Variants in SEC11A observed in about 807,000 individuals in gnomAD.
SEC11A encodes SEC11 homolog A, signal peptidase complex subunit.
SEC11A carries 14 observed loss-of-function variants against 25.6 expected under a neutral mutation model. The observed-to-expected ratio is 0.55, with a 90% confidence interval of 0.36 to 0.85. The LOEUF (loss-of-function observed/expected upper bound fraction) is 0.85, where lower values mean the gene tolerates loss of function less well. SEC11A is among the 40% of genes least tolerant of loss of function. The pLI, the probability that SEC11A is intolerant of heterozygous loss-of-function variation, is 0.01. For missense variants in SEC11A, 153 were observed against 222.9 expected (o/e 0.69, Z 2.00); for synonymous variants, 83 against 76.4 (o/e 1.09, Z -0.45).
At position 84,716,114 on chromosome 15, in the gene SEC11A, CG is replaced by C; in HGVS notation, c.-40del. The C allele has an allele frequency of 6.2e-7, 1 of 1,602,522 alleles. No homozygotes were observed. Reference sequence around the variant, plus strand: ...AGCAGGACACCGGCAGGGGAAAGGGCGCGATGACCAGCGGGCGGAACTACTG... The same window carrying C: ...AGCAGGACACCGGCAGGGGAAAGGGCCGATGACCAGCGGGCGGAACTACTG... On this transcript the variant is annotated 5_prime_UTR_variant, in exon 1 of 6. Coordinates refer to ENST00000268220, the MANE Select transcript of SEC11A (RefSeq NM_014300.4).
In SEC11A at chr15:84,691,482, T is replaced by C. The variant is rs1596076098; in HGVS notation, c.161+53A>G. The C allele has an allele frequency of 1.2e-4, 121 of 977,566 alleles. 1 individual carries two copies. The South Asian group carries it at 1.6e-3, about 13-fold the overall frequency. 60.6% of individuals were successfully genotyped at this position (977,566 alleles called of 1,614,324 possible). Reference sequence around the variant, plus strand: ...ATGCCAGTTATTTCATATCTCAATTTTTCTCCCAAGTAATGCCATGCAATT... The same window carrying C: ...ATGCCAGTTATTTCATATCTCAATTCTTCTCCCAAGTAATGCCATGCAATT... On this transcript the variant is annotated intron_variant, in intron 2 of 5. Coordinates refer to ENST00000268220, the MANE Select transcript of SEC11A (RefSeq NM_014300.4).
chr15:84,703,417 A>G (rs996192738), intron 1 of SEC11A, among the ~76,000 whole-genome samples: 1 of 152,184 alleles, frequency 6.6e-6, no homozygotes, highest in Non-Finnish European at 1.5e-5. Flanking sequence ...GCTCCTAACG[A>G]TGCTACCCTG....
At chr15:84,712,500 T>A (rs1172720808) in intron 1 of SEC11A, among the ~76,000 whole-genome samples, 1 of 149,682 alleles carries the variant, frequency 6.7e-6, no homozygotes, top group African/African-American at 2.5e-5. Flanking sequence ...CAGGCTGGAG[T>A]GCAGTGGTGC....
intron 5 of SEC11A, 124 bp from the exon 6 acceptor site, chr15:84,670,193 T>G (rs762669349): frequency 2.4e-6 from 2 of 822,626 alleles, no homozygotes; most frequent in Non-Finnish European, 3.7e-6. Context: ...CTTTCATCTT[T>G]TAACTATAAT....
At chr15:84,689,610 T>C (rs1897540271) in intron 2 of SEC11A, among the ~76,000 whole-genome samples, 1 of 6,530 alleles carries the variant, frequency 1.5e-4, no homozygotes, top group African/African-American at 1.7e-3. Flanking sequence ...CTTTTCTTTC[T>C]TTTTTTTTTT....
intron 4 of SEC11A, among the ~76,000 whole-genome samples, chr15:84,677,475 C>CTT (rs1171786400): frequency 2.2e-4 from 29 of 131,414 alleles, no homozygotes; most frequent in African/African-American, 7.2e-4. Context: ...TTTTCTTTTT[C>CTT]TTTTTTTTTT....
At chr15:84,694,753 A>T (rs1897710067) in intron 1 of SEC11A, among the ~76,000 whole-genome samples, 1 of 151,644 alleles carries the variant, frequency 6.6e-6, no homozygotes, top group African/African-American at 2.4e-5. Flanking sequence ...ACTTGAGCCT[A>T]GGAGTTCGAG....
intron 1 of SEC11A, among the ~76,000 whole-genome samples, chr15:84,702,516 G>T (rs1231841304): frequency 2.6e-5 from 4 of 151,910 alleles, no homozygotes; most frequent in Admixed American, 2.6e-4. Context: ...TGTTGCCCAG[G>T]CTGGTTTCAA....
chr15:84,702,724 T>C (rs183758338), intron 1 of SEC11A, among the ~76,000 whole-genome samples: 19 of 152,282 alleles, frequency 1.2e-4, no homozygotes, highest in African/African-American at 4.6e-4. Context: ...ACAACCTGAA[T>C]AGACCTACAT....
At chr15:84,670,144 T>C in intron 5 of SEC11A, 75 bp from the exon 6 acceptor site, 1 of 1,442,926 alleles carries the variant, frequency 6.9e-7, no homozygotes, top group Non-Finnish European at 9.4e-7. Flanking sequence ...AATTAACAAA[T>C]TGGTCTTTGT....
chr15:84,685,007 A>G (rs1897377898), intron 3 of SEC11A, among the ~76,000 whole-genome samples: 1 of 152,350 alleles, frequency 6.6e-6, no homozygotes, highest in Middle Eastern at 3.4e-3. Flanking sequence ...AAAGAAAAAA[A>G]GAAAATTGAA....
chr15:84,670,536 G>A (rs1896955783), intron 5 of SEC11A, 189 bp downstream of exon 5: 1 of 388,816 alleles, frequency 2.6e-6, no homozygotes, highest in East Asian at 5.0e-5. Context: ...ACTGCGCCCA[G>A]GCTAATAATT....
At chr15:84,704,141 C>T (rs1222039039) in intron 1 of SEC11A, among the ~76,000 whole-genome samples, 3 of 152,204 alleles carry the variant, frequency 2.0e-5, no homozygotes, top group African/African-American at 7.2e-5. Context: ...ATGAAAGGAA[C>T]AGCAATTTCT....
intron 2 of SEC11A, among the ~76,000 whole-genome samples, chr15:84,690,444 C>T (rs1032924349): frequency 6.6e-6 from 1 of 151,878 alleles, no homozygotes; most frequent in Non-Finnish European, 1.5e-5. Context: ...ACTAATACAC[C>T]GTCTCTACAA....
At chr15:84,699,286 G>A (rs1434056925) in intron 1 of SEC11A, among the ~76,000 whole-genome samples, 1 of 137,928 alleles carries the variant, frequency 7.3e-6, no homozygotes, top group Non-Finnish European at 1.5e-5. Context: ...CTGCACTCCA[G>A]CCTGGGCAAC....
chr15:84,672,503 G>T (rs945057342), intron 4 of SEC11A: 2 of 168,018 alleles, frequency 1.2e-5, no homozygotes, highest in African/African-American at 4.8e-5. Context: ...TCCTAACCGC[G>T]AGTGGTCCGC....
At chr15:84,688,966 G>A (rs1158341612) in intron 2 of SEC11A, among the ~76,000 whole-genome samples, 1 of 151,654 alleles carries the variant, frequency 6.6e-6, no homozygotes, top group Non-Finnish European at 1.5e-5. Context: ...AGGAGGTGGA[G>A]GTTGAATGGG....
At chr15:84,694,575 T>G (rs1897704661) in intron 1 of SEC11A, among the ~76,000 whole-genome samples, 1 of 152,110 alleles carries the variant, frequency 6.6e-6, no homozygotes, top group Non-Finnish European at 1.5e-5. Flanking sequence ...ACCATTTTCA[T>G]CTCTTCTAGC....
At chr15:84,683,654 A>C (rs1206905121) in intron 3 of SEC11A, among the ~76,000 whole-genome samples, 1 of 151,842 alleles carries the variant, frequency 6.6e-6, no homozygotes, top group Non-Finnish European at 1.5e-5. Context: ...CCTCCCGAGC[A>C]GCTGGGATTA....
Sources: allele counts gnomAD v4.1 joint callset (sites outside exome capture counted in the v4.1 genomes callset), GRCh38; gene constraint gnomAD v4.1.1; transcripts MANE v1.5; gene names NCBI Gene and HGNC (gene_info 2026-07-23, HGNC 2026-07-21).